The following SMG7 variants were observed in gnomAD, a reference collection of about 807,000 sequenced individuals.
SMG7 encodes nonsense-mediated mRNA decay factor SMG7.
SMG7 carries 34 observed loss-of-function variants against 148.2 expected under a neutral mutation model. The observed-to-expected ratio is 0.23, with a 90% CI of 0.17 to 0.31. The LOEUF is 0.31. SMG7 is among the 10% of genes least tolerant of loss of function. SMG7 has a pLI of 1.00. For missense variants in SMG7, 1,114 were observed against 1,408.4 expected (o/e 0.79, Z 3.35); for synonymous variants, 492 against 515.1 (o/e 0.96, Z 0.61).
At chr1:183,537,641 A>T (rs964463878) in intron 11 of SMG7, among the ~76,000 whole-genome samples, 1 of 152,240 alleles carries the variant, frequency 6.6e-6, no homozygotes, top group Non-Finnish European at 1.5e-5. Flanking sequence ...CCTTTTTCTT[A>T]CGTGTGTACA....
intron 4 of SMG7, 79 bp from the exon 5 acceptor site, chr1:183,526,517 G>A: frequency 2.2e-6 from 2 of 896,530 alleles, no homozygotes; most frequent in Admixed American, 2.1e-5. Context: ...GTGGTACTAG[G>A]TACACATCTT....
At chr1:183,506,776 A>G (rs937718571) in intron 1 of SMG7, among the ~76,000 whole-genome samples, 10 of 152,010 alleles carry the variant, frequency 6.6e-5, no homozygotes, top group Admixed American at 3.3e-4. Flanking sequence ...ATTCTGCTCA[A>G]AGGGGATTGG....
At chr1:183,525,001 T>C (rs1665550534) in intron 4 of SMG7, among the ~76,000 whole-genome samples, 3 of 152,230 alleles carry the variant, frequency 2.0e-5, no homozygotes, top group Non-Finnish European at 4.4e-5. Flanking sequence ...TGTCTTTGTA[T>C]CTTTCTTGTT....
intron 1 of SMG7, among the ~76,000 whole-genome samples, chr1:183,492,578 G>A (rs1657337126): frequency 6.6e-6 from 1 of 152,124 alleles, no homozygotes; most frequent in African/African-American, 2.4e-5. Flanking sequence ...AGTTTCTAAC[G>A]AAAACAATCT....
At chr1:183,517,909 T>C (rs1234204185) in intron 4 of SMG7, 89 bp downstream of exon 4, 11 of 1,332,618 alleles carry the variant, frequency 8.3e-6, no homozygotes, top group Non-Finnish European at 1.2e-5. Flanking sequence ...AAACAATTCT[T>C]GTAACCACTA....
At chr1:183,491,829 G>C (rs1657108260) in intron 1 of SMG7, among the ~76,000 whole-genome samples, 1 of 152,166 alleles carries the variant, frequency 6.6e-6, no homozygotes, top group Admixed American at 6.5e-5. Context: ...TAAGGTGCCG[G>C]CAGGTTCGGT....
intron 4 of SMG7, among the ~76,000 whole-genome samples, chr1:183,519,447 A>C (rs1232847084): frequency 6.6e-6 from 1 of 151,774 alleles, no homozygotes; most frequent in Non-Finnish European, 1.5e-5. Context: ...TTTTACAAGT[A>C]GCTGTCAAAA....
chr1:183,477,866 A>G (rs1046731404), intron 1 of SMG7, among the ~76,000 whole-genome samples: 2 of 152,136 alleles, frequency 1.3e-5, no homozygotes, highest in African/African-American at 4.8e-5. Context: ...ATGTATAGTG[A>G]AGACGCTGCA....
chr1:183,484,768 T>A (rs956796097), intron 1 of SMG7, among the ~76,000 whole-genome samples: 1 of 152,098 alleles, frequency 6.6e-6, no homozygotes, highest in Non-Finnish European at 1.5e-5. Flanking sequence ...ATCTAAAAAT[T>A]TTTTGGTATG....
rs1671315844 is a variant in SMG7 at position 183,553,100 on chromosome 1, A to G, written c.*1169A>G. 3 of 1,536,284 alleles carry G rather than the reference A, an allele frequency of 2.0e-6. No homozygotes were observed. The highest frequency in any genetic ancestry group is 2.4e-5 in the East Asian group (1 of 40,926). ...GCCCAGCTGCAGTCTCCCAGCCTCC[A>G]CTTTCAGAGTGAAATTCAAGGCAGC... is the stretch of plus-strand genomic sequence containing the variant. On this transcript the variant is annotated 3_prime_UTR_variant, in exon 23 of 23. Coordinates refer to ENST00000688051, the MANE Select transcript of SMG7 (RefSeq NM_001375584.1).
At chr1:183,517,880 T>C in intron 4 of SMG7, 60 bp downstream of exon 4, 2 of 1,537,806 alleles carry the variant, frequency 1.3e-6, no homozygotes, top group African/African-American at 2.7e-5. Context: ...CTGCTCTTTG[T>C]ACACGTCTTA....
chr1:183,506,536 T>C (rs1660926112), intron 1 of SMG7, among the ~76,000 whole-genome samples: 1 of 152,104 alleles, frequency 6.6e-6, no homozygotes, highest in Non-Finnish European at 1.5e-5. Flanking sequence ...TAAATAATTA[T>C]GATTAGATTA....
Position 183,544,364 on chromosome 1 carries a change from G to A in SMG7, c.1854G>A (p.Gln618=). ...KQNVAVQVKS[Q]TELRKTPVSE... is the part of the protein sequence containing the mutation. ...TCTATTGGTTACAGGTAAAATCCCA[G>A]ACAGAACTAAGAAAGACTCCAGTGT... The change falls in exon 15 of 23, where the codon CAG becomes CAA. Residue 618 remains glutamine, a synonymous_variant. Transcript: ENST00000688051. 6.2e-7 allele frequency: 1 copy of A among 1,613,706 alleles called. No individual in the cohort carries two copies. Among genetic ancestry groups the A allele is most frequent in the Non-Finnish European group, 8.5e-7 (1 of 1,179,760 alleles).
chr1:183,497,968 G>A (rs964366967), intron 1 of SMG7, among the ~76,000 whole-genome samples: 4 of 152,172 alleles, frequency 2.6e-5, no homozygotes, highest in African/African-American at 9.7e-5. Context: ...TGGAAGTATG[G>A]GCTAAATAAT....
At chr1:183,544,140 T>A (rs1284536314) in intron 14 of SMG7, among the ~76,000 whole-genome samples, 1 of 152,152 alleles carries the variant, frequency 6.6e-6, no homozygotes. Context: ...GAAAGCAAAA[T>A]AATTAGTAAA....
rs1334756923 is a variant in SMG7, at chr1:183,527,495, A to T, written c.485-461A>T. 1 of 395,678 alleles carries T rather than the reference A, an allele frequency of 2.5e-6. No homozygotes were observed. The allele number at this position is 395,678 out of a possible 1,614,324, so 24.5% of individuals were successfully genotyped here. ...TTTAGGTTGTTTTGCTTTAAATATA[A>T]TCTTTGCACACACATATTTAATATT... On this transcript the variant is annotated intron_variant, in intron 5 of 22. Coordinates refer to ENST00000688051, the MANE Select transcript of SMG7 (RefSeq NM_001375584.1). The surrounding 1 kb of genome is among the most constrained non-coding windows in gnomAD (Gnocchi z 4.0).
chr1:183,504,888 T>G (rs1008470930), intron 1 of SMG7, among the ~76,000 whole-genome samples: 3 of 152,202 alleles, frequency 2.0e-5, no homozygotes, highest in African/African-American at 7.2e-5. Context: ...CTATTTAACC[T>G]TACCAACCTC....
chr1:183,479,626 A>G (rs1653572585), intron 1 of SMG7, among the ~76,000 whole-genome samples: 1 of 152,154 alleles, frequency 6.6e-6, no homozygotes, highest in Non-Finnish European at 1.5e-5. Flanking sequence ...ACATATTTTA[A>G]TTTCTTAAAT....
At chr1:183,478,126 T>TA (rs2102038806) in intron 1 of SMG7, among the ~76,000 whole-genome samples, 2 of 152,200 alleles carry the variant, frequency 1.3e-5, no homozygotes, top group East Asian at 3.9e-4. Context: ...TTGGGAGGAA[T>TA]ATATAAATAG....
Sources: allele counts gnomAD v4.1 joint callset (sites outside exome capture counted in the v4.1 genomes callset), GRCh38; gene constraint gnomAD v4.1.1; non-coding constraint Gnocchi (gnomAD v3.1); transcripts MANE v1.5; gene names NCBI Gene and HGNC (gene_info 2026-07-23, HGNC 2026-07-21).